Variants in IHO1 observed in about 807,000 individuals in gnomAD.
IHO1 encodes the protein interactor of HORMAD1 1.
In IHO1, 13 loss-of-function variants were observed where a neutral mutation model predicts 31.0. The ratio of observed to expected loss-of-function variants is 0.42; its 90% CI spans 0.27 to 0.67. The LOEUF is 0.67. IHO1 is among the 30% of genes least tolerant of loss of function. IHO1 has a pLI of 0.24. For missense variants in IHO1, 599 were observed against 687.5 expected, an observed-to-expected ratio of 0.87 and a Z score of 1.44; for synonymous variants, 221 against 248.4, an observed-to-expected ratio of 0.89 and a Z score of 1.04.
chr3:49,232,276 G>T (rs1405095990), intron 2 of IHO1, among the ~76,000 whole-genome samples: 1 of 152,116 alleles, frequency 6.6e-6, no homozygotes, highest in Non-Finnish European at 1.5e-5. Context: ...AAAGCAAAAG[G>T]GGAGAAACAG....
chr3:49,243,640 C>A (rs1324748953), intron 4 of IHO1, among the ~76,000 whole-genome samples: 1 of 151,084 alleles, frequency 6.6e-6, no homozygotes, highest in Non-Finnish European at 1.5e-5. Context: ...AGCCTGTAGT[C>A]CCAGCTACTT....
At chr3:49,243,986 G>T (rs901433575) in intron 4 of IHO1, among the ~76,000 whole-genome samples, 2 of 146,018 alleles carry the variant, frequency 1.4e-5, no homozygotes, top group African/African-American at 5.1e-5. Flanking sequence ...GTGGAGTCTC[G>T]CTCTGTCTCC....
At chr3:49,217,068 G>A (rs1446380310) in intron 2 of IHO1, among the ~76,000 whole-genome samples, 1 of 152,212 alleles carries the variant, frequency 6.6e-6, no homozygotes, top group Non-Finnish European at 1.5e-5. Flanking sequence ...AACCATTGTG[G>A]AAGACAGTGT....
rs1404323720 is a variant in IHO1 at position 49,256,672 on chromosome 3, A to G, written c.1175A>G (p.Gln392Arg). ...DRDLVSQGAS[Q>R]LTSLEINFST... ...GACCTGGTTTCCCAAGGAGCCTCAC[A>G]GCTCACATCATTGGAGATAAACTTT... Residue 392 changes from glutamine to arginine, a missense_variant, in exon 8 of 8, where the codon CAG (glutamine) becomes CGG (arginine). Gln to Arg is a conservative substitution (Grantham distance 43, BLOSUM62 1). Coordinates refer to ENST00000452691, the MANE Select transcript of IHO1 (RefSeq NM_001135197.2). This position sits in a 1 kb window ranked among gnomAD's most constrained non-coding sequence, Gnocchi z 4.6. 1 of 1,614,136 alleles carries G rather than the reference A, an allele frequency of 6.2e-7. No homozygotes were observed. Among genetic ancestry groups the G allele is most frequent in the Non-Finnish European group, 8.5e-7 (1 of 1,180,046 alleles).
intron 1 of IHO1, among the ~76,000 whole-genome samples, chr3:49,200,342 G>C (rs1283319072): frequency 6.6e-6 from 1 of 151,794 alleles, no homozygotes; most frequent in Non-Finnish European, 1.5e-5. Context: ...GCGCATGCCT[G>C]TAATCCCAGC....
Position 49,256,740 on chromosome 3 carries a change from AG to A in IHO1, c.1244del (p.Ser415IlefsTer12). On this transcript the variant is annotated frameshift_variant, in exon 8 of 8. Transcript: ENST00000452691. LOFTEE classifies it low-confidence loss of function (END_TRUNC). The surrounding 1 kb of genome is among the most constrained non-coding windows in gnomAD (Gnocchi z 4.6). ...TGCCTGCCAAAAATATCAAGCCCAA[AG>A]TATGTTTTTGTGTGACCCACGTGAA... Reference protein sequence around the residue: ...KNACQKYQAQSMFLCDPREHL... With the variant: ...KNACQKYQAQXMFLCDPREHL... The A allele has an allele frequency of 6.2e-7, 1 of 1,614,240 alleles. No homozygotes were observed. Among genetic ancestry groups the A allele is most frequent in the Non-Finnish European group, 8.5e-7 (1 of 1,180,052 alleles).
In IHO1 at chr3:49,256,520, C is replaced by T; in HGVS notation, c.1023C>T (p.Ser341=). Residue 341 remains serine, a synonymous_variant, in exon 8 of 8, where the codon TCC becomes TCT. Transcript: ENST00000452691. This position sits in a 1 kb window ranked among gnomAD's most constrained non-coding sequence, Gnocchi z 4.6. ...AGGCTGCACTGCCAGCATTTGGGTC[C>T]CATGAAAGAAATAGGCATGTAAAGG... The part of the protein sequence containing the change: ...QEEAALPAFG[S]HERNRHVKDK... The T allele has an allele frequency of 6.2e-7, 1 of 1,614,052 alleles. No homozygotes were observed. Among genetic ancestry groups the T allele is most frequent in the Non-Finnish European group, 8.5e-7 (1 of 1,180,006 alleles).
At chr3:49,242,662 A>T (rs1290559953) in intron 4 of IHO1, among the ~76,000 whole-genome samples, 1 of 152,120 alleles carries the variant, frequency 6.6e-6, no homozygotes, top group African/African-American at 2.4e-5. Flanking sequence ...GAATGTGGCC[A>T]GGCACGGTGG....
chr3:49,236,463 G>C, intron 2 of IHO1, 85 bp from the exon 3 acceptor site: 1 of 1,002,084 alleles, frequency 1.0e-6, no homozygotes, highest in African/African-American at 1.6e-5. Flanking sequence ...TGCCCAAAAT[G>C]TTCTGAAATG....
intron 2 of IHO1, among the ~76,000 whole-genome samples, chr3:49,233,435 C>T (rs1293823461): frequency 6.6e-6 from 1 of 152,200 alleles, no homozygotes; most frequent in Non-Finnish European, 1.5e-5. Flanking sequence ...ATATTTAAAG[C>T]ATCCCAGGCA....
At chr3:49,212,447 C>T (rs1276781817) in intron 2 of IHO1, among the ~76,000 whole-genome samples, 2 of 141,018 alleles carry the variant, frequency 1.4e-5, no homozygotes, top group South Asian at 2.3e-4. Flanking sequence ...ACCTGGGAGG[C>T]GGAGCTTGTG....
chr3:49,212,971 G>C (rs1439922470), intron 2 of IHO1, among the ~76,000 whole-genome samples: 1 of 152,162 alleles, frequency 6.6e-6, no homozygotes, highest in Admixed American at 6.5e-5. Context: ...AGAGCTGATC[G>C]GTCTGTTTTA....
At chr3:49,221,518 C>T (rs972796323) in intron 2 of IHO1, among the ~76,000 whole-genome samples, 2 of 152,218 alleles carry the variant, frequency 1.3e-5, no homozygotes, top group Non-Finnish European at 2.9e-5. Flanking sequence ...TCAATCCCCC[C>T]TCTAAACAGG....
chr3:49,195,670 C>T (rs554389730), upstream of IHO1, among the ~76,000 whole-genome samples: 5 of 151,862 alleles, frequency 3.3e-5, no homozygotes, highest in East Asian at 7.7e-4. Flanking sequence ...GCTGAGATCA[C>T]GCCACTGCAC....
intron 2 of IHO1, among the ~76,000 whole-genome samples, chr3:49,221,150 C>G (rs1335403556): frequency 6.7e-6 from 1 of 149,638 alleles, no homozygotes; most frequent in African/African-American, 2.4e-5. Context: ...TGTGTTTTTA[C>G]AGAGTGCTGA....
chr3:49,197,128 G>A (rs1181532736), upstream of IHO1, among the ~76,000 whole-genome samples: 67 of 145,506 alleles, frequency 4.6e-4, no homozygotes, highest in Non-Finnish European at 9.7e-4. Flanking sequence ...CTACAGGCTC[G>A]TGCCACCACA....
chr3:49,222,890 TC>T (rs1463601021), intron 2 of IHO1, among the ~76,000 whole-genome samples: 2 of 152,188 alleles, frequency 1.3e-5, no homozygotes, highest in Non-Finnish European at 2.9e-5. Flanking sequence ...AATCCAAGAT[TC>T]CACTCCTGCC....
chr3:49,205,422 G>A (rs558123758), intron 1 of IHO1, among the ~76,000 whole-genome samples: 1 of 150,942 alleles, frequency 6.6e-6, no homozygotes, highest in Admixed American at 6.6e-5. Context: ...GGTTTCAAGC[G>A]ATTCTCCTAC....
intron 6 of IHO1, among the ~76,000 whole-genome samples, chr3:49,251,428 G>T (rs539486114): frequency 6.6e-6 from 1 of 151,696 alleles, no homozygotes; most frequent in South Asian, 2.1e-4. Flanking sequence ...TGGGACTACA[G>T]GCGTGCATCA....
Sources: allele counts gnomAD v4.1 joint callset (sites outside exome capture counted in the v4.1 genomes callset), GRCh38; gene constraint gnomAD v4.1.1; non-coding constraint Gnocchi (gnomAD v3.1); transcripts MANE v1.5; gene names NCBI Gene and HGNC (gene_info 2026-07-23, HGNC 2026-07-21).